Variants in PSD3 observed in about 807,000 individuals in gnomAD.
PSD3 encodes the protein PH and SEC7 domain-containing protein 3.
Under a neutral mutation model 105.5 loss-of-function variants are expected in PSD3, and 49 were observed. The ratio of observed to expected loss-of-function variants is 0.46; its 90% CI spans 0.37 to 0.59. The LOEUF is 0.59. Ranked by LOEUF, PSD3 falls within the 20% of genes least tolerant of loss-of-function variation. The pLI is 0.00. For missense variants in PSD3, 1,561 were observed against 1,263.8 expected, an observed-to-expected ratio of 1.24 and a Z score of -3.57; for synonymous variants, 557 against 457.8, an observed-to-expected ratio of 1.22 and a Z score of -2.77.
chr8:18,581,916 G>A (rs1179422552), intron 12 of PSD3, among the ~76,000 whole-genome samples: 2 of 152,112 alleles, frequency 1.3e-5, no homozygotes, highest in Non-Finnish European at 2.9e-5. Context: ...TTAAGGAAGT[G>A]GCCAGAAAGG....
Position 18,802,820 on chromosome 8 carries a change from C to T in PSD3, c.1911-1438G>A, listed in dbSNP as rs191445753. 2.9e-3 allele frequency among the ~76,000 whole-genome samples: 439 copies of T among 152,262 alleles called. 1 individual carries two copies. The highest frequency in any genetic ancestry group is 9.6e-3 in the African/African-American group (400 of 41,552). ...GGTTTTACCTTCAGCTACTTAGAAACTTGTAATACAATATAATGTAAAAAG... is the reference window on the plus strand; with the variant it reads ...GGTTTTACCTTCAGCTACTTAGAAATTTGTAATACAATATAATGTAAAAAG... On this transcript the variant is annotated intron_variant, in intron 6 of 15. Transcript: ENST00000327040.
intron 9 of PSD3, among the ~76,000 whole-genome samples, chr8:18,740,483 C>A (rs1204025793): frequency 2.0e-5 from 3 of 152,062 alleles, no homozygotes; most frequent in Non-Finnish European, 4.4e-5. Flanking sequence ...CTCTAAGGGC[C>A]CTTTTAGCAG....
exon 1 of PSD3, chr8:19,084,412 G>C (rs1490443123): frequency 2.2e-6 from 1 of 456,138 alleles, no homozygotes; most frequent in East Asian, 6.9e-5. Context: ...ACAGCCCTTG[G>C]AGGGGAGCAT....
chr8:18,687,151 C>T (rs888410115), intron 9 of PSD3, among the ~76,000 whole-genome samples: 3 of 152,144 alleles, frequency 2.0e-5, no homozygotes, highest in South Asian at 2.1e-4. Flanking sequence ...TCGGCTCTCA[C>T]GTCATTCAAC....
intron 1 of PSD3, among the ~76,000 whole-genome samples, chr8:18,957,976 G>A (rs1823682229): frequency 6.6e-6 from 1 of 152,116 alleles, no homozygotes. Context: ...TTAAGCTATT[G>A]CTACCACAAT....
chr8:18,677,946 C>T lies in PSD3; in HGVS notation c.2173-22261G>A, dbSNP rs142255240. Among the ~76,000 whole-genome samples, 1,050 of 149,518 alleles carry T rather than the reference C, an allele frequency of 7.0e-3. 9 individuals are homozygous for T. The highest frequency in any genetic ancestry group is 0.024 in the African/African-American group (966 of 40,602). ...AGTGGTGTGAACCTGGGAGGCAGAGCTTGCAGTGAGCCGAGATCAGGCCAC... is the reference window on the plus strand; with the variant it reads ...AGTGGTGTGAACCTGGGAGGCAGAGTTTGCAGTGAGCCGAGATCAGGCCAC... On this transcript the variant is annotated intron_variant, in intron 9 of 15. Transcript: ENST00000327040.
chr8:18,606,218 C>G (rs1585367495), intron 11 of PSD3, among the ~76,000 whole-genome samples: 1 of 152,328 alleles, frequency 6.6e-6, no homozygotes, highest in Middle Eastern at 3.4e-3. Flanking sequence ...ATTCTAACTT[C>G]TCACTTCATT....
chr8:18,538,894 G>A (rs1340525695), intron 15 of PSD3, among the ~76,000 whole-genome samples: 1 of 152,146 alleles, frequency 6.6e-6, no homozygotes, highest in Admixed American at 6.5e-5. Context: ...CAGATCAGAA[G>A]TAAAGACAAA....
chr8:18,903,623 T>C (rs1178139570), intron 2 of PSD3, among the ~76,000 whole-genome samples: 2 of 152,096 alleles, frequency 1.3e-5, no homozygotes, highest in East Asian at 1.9e-4. Context: ...GCTATGTCAG[T>C]TCAGCCCAGG....
chr8:18,835,705 G>A (rs1328083460), intron 4 of PSD3, among the ~76,000 whole-genome samples: 1 of 152,224 alleles, frequency 6.6e-6, no homozygotes, highest in Non-Finnish European at 1.5e-5. Flanking sequence ...TGAAGTGGGA[G>A]AGCAGGGCTC....
chr8:18,635,571 T>G (rs1807191921), intron 10 of PSD3, among the ~76,000 whole-genome samples: 1 of 152,106 alleles, frequency 6.6e-6, no homozygotes, highest in Non-Finnish European at 1.5e-5. Flanking sequence ...AGGCAGGTCT[T>G]TCAGTAGGTG....
intron 14 of PSD3, among the ~76,000 whole-genome samples, chr8:18,566,397 G>C (rs898044266): frequency 6.6e-6 from 1 of 151,792 alleles, no homozygotes; most frequent in African/African-American, 2.4e-5. Flanking sequence ...ATGGTGGCGG[G>C]CGCCTGTAAT....
chr8:18,556,734 C>T (rs1801097772), intron 14 of PSD3, among the ~76,000 whole-genome samples: 1 of 152,238 alleles, frequency 6.6e-6, no homozygotes, highest in South Asian at 2.1e-4. Context: ...ATTTCATGCC[C>T]ACTCAGCAAT....
intron 4 of PSD3, among the ~76,000 whole-genome samples, chr8:18,865,697 A>C (rs967025746): frequency 6.6e-6 from 1 of 152,120 alleles, no homozygotes; most frequent in African/African-American, 2.4e-5. Flanking sequence ...GGGAGAGGCA[A>C]GCTGGCGCGT....
At chr8:18,580,901 G>A (rs1802772324) in intron 12 of PSD3, among the ~76,000 whole-genome samples, 1 of 152,118 alleles carries the variant, frequency 6.6e-6, no homozygotes, top group South Asian at 2.1e-4. Flanking sequence ...ACCTACACCC[G>A]TCGCTCTTAA....
chr8:19,074,603 ATATATATATTT>A (rs1160300438), intron 1 of PSD3, among the ~76,000 whole-genome samples: 9 of 58,978 alleles, frequency 1.5e-4, no homozygotes, highest in East Asian at 1.1e-3. Context: ...ATATATATAT[ATATATATATTT>A]TTTTTTTTTT....
intron 9 of PSD3, among the ~76,000 whole-genome samples, chr8:18,671,218 C>T (rs534205996): frequency 6.6e-6 from 1 of 152,242 alleles, no homozygotes; most frequent in African/African-American, 2.4e-5. Context: ...AGGATGACTC[C>T]ACTTCGCCGA....
At chr8:18,922,026 T>A (rs1159318519) in intron 2 of PSD3, among the ~76,000 whole-genome samples, 1 of 152,120 alleles carries the variant, frequency 6.6e-6, no homozygotes, top group South Asian at 2.1e-4. Flanking sequence ...AAATAAATCA[T>A]AAGTTAAAAA....
intron 12 of PSD3, among the ~76,000 whole-genome samples, chr8:18,594,004 T>G (rs1803813824): frequency 7.1e-6 from 1 of 140,572 alleles, no homozygotes; most frequent in Non-Finnish European, 1.5e-5. Context: ...GGGATAGCAT[T>G]AAGAGACATA....
Sources: gnomAD v4.1 joint callset for allele counts (sites outside exome capture counted in the v4.1 genomes callset) on GRCh38, gnomAD v4.1.1 for gene constraint, MANE v1.5 for transcripts, NCBI Gene and HGNC (gene_info 2026-07-23, HGNC 2026-07-21) for gene names.